Variants in PNN observed in about 807,000 individuals in gnomAD.
The protein encoded by PNN is pinin, desmosome associated protein, also known as pinin.
In PNN, 38 loss-of-function variants were observed where a neutral mutation model predicts 76.6. That is an observed-to-expected ratio of 0.50 (90% CI 0.38 to 0.65). PNN has a LOEUF of 0.65. Ranked by LOEUF, PNN falls within the 30% of genes least tolerant of loss-of-function variation. The pLI, the probability that PNN is intolerant of heterozygous loss-of-function variation, is 0.00. For missense variants in PNN, 873 were observed against 874.1 expected (o/e 1.00, Z 0.02); for synonymous variants, 366 against 283.7 (o/e 1.29, Z -2.91).
rs1186994805 is a variant in PNN, at chr14:39,182,117, TGTC to T, written c.*255_*257del. The T allele has an allele frequency of 2.8e-6, 1 of 357,646 alleles. No individual in the cohort carries two copies. Among genetic ancestry groups the T allele is most frequent in the Non-Finnish European group, 5.0e-6 (1 of 198,596 alleles). The allele number at this position is 357,646 out of a possible 1,614,324, so 22.2% of individuals were successfully genotyped here. ...ATAATAAAAAAAGATTAACATCCCT[TGTC>T]ATCTTTTTTAAATATCCTATACTCT... is the stretch of plus-strand genomic sequence containing the variant. On this transcript the variant is annotated 3_prime_UTR_variant, in exon 9 of 9. Transcript: ENST00000216832.
rs1479071301 is a variant in PNN at position 39,176,141 on chromosome 14, A to G, written c.177A>G (p.Leu59=). 6.3e-7 allele frequency: 1 copy of G among 1,587,722 alleles called. No homozygotes were observed. Among genetic ancestry groups the G allele is most frequent in the Admixed American group, 1.7e-5 (1 of 59,948 alleles). The stretch of plus-strand genomic sequence containing the variant: ...GTGGAGGTAGAGGACGTGGTAGTTT[A>G]TTACTGAGGTAAGATTTCCTTTGGA... ...GPGGGRGRGS[L]LLRRGFSDSG... Residue 59 remains leucine (L), a synonymous_variant, in exon 2 of 9, where the codon TTA becomes TTG. Coordinates refer to ENST00000216832, the MANE Select transcript of PNN (RefSeq NM_002687.4).
rs1242706837 is a variant in PNN, at chr14:39,177,607, T to G, written c.342T>G (p.Ser114=). The G allele has an allele frequency of 1.2e-6, 2 of 1,613,796 alleles. No individual in the cohort carries two copies. Among genetic ancestry groups the G allele is most frequent in the East Asian group, 2.2e-5 (1 of 44,884 alleles). The change falls in exon 5 of 9, where the codon TCT becomes TCG. Residue 114 remains serine, a synonymous_variant. Transcript: ENST00000216832. ...TTTTTCTGCAGCCAGCATTGCAGTC[T>G]TCAGTTGTAGCTACCTCCAAAGAGC... is the stretch of plus-strand genomic sequence containing the variant. ...DDDVKKPALQ[S]SVVATSKERT...
At chr14:39,180,084 CAA>C (rs1024075865) in intron 8 of PNN, among the ~76,000 whole-genome samples, 18 of 152,132 alleles carry the variant, frequency 1.2e-4, no homozygotes, top group Admixed American at 9.8e-4. Context: ...GCTAATAAGA[CAA>C]ATGTGAAAAC....
At position 39,181,831 on chromosome 14, in the gene PNN, C is replaced by A. The variant is rs766133046; in HGVS notation, c.2122C>A (p.Arg708=). 5.0e-6 allele frequency: 8 copies of A among 1,599,974 alleles called. No homozygotes were observed. Among genetic ancestry groups the A allele is most frequent in the South Asian group, 1.1e-5 (1 of 88,126 alleles). ...GKRSSRSERD[R]KSDRKDKRR ...AAGATCTTCAAGAAGTGAAAGAGAC[C>A]GAAAATCAGACAGGAAAGACAAAAG... The change falls in exon 9 of 9, where the codon CGA becomes AGA. Residue 708 remains arginine (R), a synonymous_variant. Coordinates refer to ENST00000216832, the MANE Select transcript of PNN (RefSeq NM_002687.4).
In PNN at chr14:39,181,052, A is replaced by G. The variant is rs1346847031; in HGVS notation, c.1343A>G (p.Asn448Ser). The G allele has an allele frequency of 6.2e-7, 1 of 1,613,296 alleles. No individual in the cohort carries two copies. The highest frequency in any genetic ancestry group is 8.5e-7 in the Non-Finnish European group (1 of 1,179,586). The change falls in exon 9 of 9, where the codon AAT (asparagine) becomes AGT (serine). Residue 448 changes from asparagine (N) to serine (S), a missense_variant. Physicochemically the swap from Asn to Ser is conservative, Grantham distance 46. Coordinates refer to ENST00000216832, the MANE Select transcript of PNN (RefSeq NM_002687.4). ...AAAACCCTTTCTCCTGGGAAAGAGA[A>G]TGTCAGTGCTTTAGACATGGAAAAG... is the stretch of plus-strand genomic sequence containing the variant. ...ECKTLSPGKENVSALDMEKES... is the reference protein window; with the variant it reads ...ECKTLSPGKESVSALDMEKES...
At position 39,182,550 on chromosome 14, in the gene PNN, A is replaced by G. The variant is rs1299460429; in HGVS notation, c.*687A>G. The G allele has an allele frequency of 1.3e-5, 2 of 152,448 alleles. No homozygotes were observed. The highest frequency in any genetic ancestry group is 2.1e-4 in the South Asian group (1 of 4,832). 9.4% of individuals were successfully genotyped at this position (152,448 alleles called of 1,614,324 possible). A position where few individuals can be genotyped will look rare whatever the true frequency, so the allele number is the denominator to read the frequency against. On this transcript the variant is annotated 3_prime_UTR_variant, in exon 9 of 9. Coordinates refer to ENST00000216832, the MANE Select transcript of PNN (RefSeq NM_002687.4). The stretch of plus-strand genomic sequence containing the variant: ...AACTAAACAGTATGATCTGGTTGGC[A>G]TTTTCTTCCTGATGATGGGAGCGTC...
rs2053265393 is a variant in PNN, at chr14:39,181,027, A to G, written c.1318A>G (p.Lys440Glu). 1 of 1,612,466 alleles carries G rather than the reference A, an allele frequency of 6.2e-7. No homozygotes were observed. The highest frequency in any genetic ancestry group is 8.5e-7 in the Non-Finnish European group (1 of 1,179,030). The change falls in exon 9 of 9, where the codon AAA becomes GAA. Residue 440 changes from lysine to glutamate, a missense_variant. By Grantham distance (56) the Lys-to-Glu change is moderately conservative. This residue lies in a region of PNN where 712 missense variants were observed against 693.1 expected (regional missense o/e 1.03). Coordinates refer to ENST00000216832, the MANE Select transcript of PNN (RefSeq NM_002687.4). ...EFEIEPDKEC[K>E]TLSPGKENVS... ...TGAAATTGAGCCAGATAAAGAATGT[A>G]AAACCCTTTCTCCTGGGAAAGAGAA...
chr14:39,181,530 C>T lies in PNN; in HGVS notation c.1821C>T (p.Ser607=). ...SSGSSSSRSS[S]SSSSSTSGSS... ...GAAGTAGTAGCAGTCGCAGTAGTTC[C>T]AGTAGCAGCTCCAGTACAAGTGGCA... is the stretch of plus-strand genomic sequence containing the variant. Residue 607 remains serine (S), a synonymous_variant, in exon 9 of 9, where the codon TCC becomes TCT. Coordinates refer to ENST00000216832, the MANE Select transcript of PNN (RefSeq NM_002687.4). 6.2e-7 allele frequency: 1 copy of T among 1,603,372 alleles called. No individual in the cohort carries two copies. Among genetic ancestry groups the T allele is most frequent in the Non-Finnish European group, 8.5e-7 (1 of 1,174,978 alleles).
chr14:39,178,799 G>A lies in PNN; in HGVS notation c.499-292G>A, dbSNP rs139277990. On this transcript the variant is annotated intron_variant, in intron 6 of 8. Coordinates refer to ENST00000216832, the MANE Select transcript of PNN (RefSeq NM_002687.4). The stretch of plus-strand genomic sequence containing the variant: ...CTTGCTCAGGCTGGAGTGTAGTGGC[G>A]TGATCTCAGCTCACTGCAACCTCCG... Among the ~76,000 whole-genome samples, 345 of 151,718 alleles carry A rather than the reference G, an allele frequency of 2.3e-3. 6 individuals are homozygous for A. The East Asian group carries it at 0.033, about 14-fold the overall frequency.
intron 6 of PNN, among the ~76,000 whole-genome samples, chr14:39,178,232 T>A (rs1313577570): frequency 6.6e-6 from 1 of 152,132 alleles, no homozygotes; most frequent in African/African-American, 2.4e-5. Flanking sequence ...GTATCCTGAA[T>A]TGAAAATGTG....
intron 8 of PNN, 130 bp from the exon 9 acceptor site, chr14:39,180,373 A>C: frequency 1.0e-6 from 1 of 955,666 alleles, no homozygotes; most frequent in Non-Finnish European, 1.5e-6. Flanking sequence ...TAATTGCCAT[A>C]ATCTTTTGTC....
At position 39,176,572 on chromosome 14, in the gene PNN, A is replaced by G. The variant is rs142034455; in HGVS notation, c.231A>G (p.Arg77=). The G allele has an allele frequency of 6.8e-6, 11 of 1,607,452 alleles. No individual in the cohort carries two copies. The highest frequency in any genetic ancestry group is 9.3e-6 in the Non-Finnish European group (11 of 1,177,628). Residue 77 remains arginine (R), a synonymous_variant, in exon 3 of 9, where the codon AGA becomes AGG. Coordinates refer to ENST00000216832, the MANE Select transcript of PNN (RefSeq NM_002687.4). ...GAGGAGGACCCCCAGCCAAACAGAGAGACCTTGAAGGGGCAGTCAGTAGGT... is the reference window on the plus strand; with the variant it reads ...GAGGAGGACCCCCAGCCAAACAGAGGGACCTTGAAGGGGCAGTCAGTAGGT... ...DSGGGPPAKQ[R]DLEGAVSRLG...
At position 39,181,923 on chromosome 14, in the gene PNN, G is replaced by A. The variant is rs2053273610; in HGVS notation, c.*60G>A. The stretch of plus-strand genomic sequence containing the variant: ...AGCAGAAGATTTCTTGATAAAAAAG[G>A]ATTACCTTTCCTTGTAAAGAGGATG... On this transcript the variant is annotated 3_prime_UTR_variant, in exon 9 of 9. Transcript: ENST00000216832. 1 of 1,486,954 alleles carries A rather than the reference G, an allele frequency of 6.7e-7. No homozygotes were observed. Among genetic ancestry groups the A allele is most frequent in the East Asian group, 2.3e-5 (1 of 44,012 alleles). The allele number at this position is 1,486,954 out of a possible 1,614,324, so 92.1% of individuals were successfully genotyped here.
At chr14:39,180,289 T>C (rs555436634) in intron 8 of PNN, among the ~76,000 whole-genome samples, 25 of 152,356 alleles carry the variant, frequency 1.6e-4, no homozygotes, top group African/African-American at 6.0e-4. Flanking sequence ...TGTAGTTCTG[T>C]CTGCCACAAT....
Position 39,181,009 on chromosome 14 carries a change from G to A in PNN, c.1300G>A (p.Glu434Lys), listed in dbSNP as rs1463554338. ...GGAACCAGAAATGGAATTTGAAATT[G>A]AGCCAGATAAAGAATGTAAAACCCT... ...ELEPEMEFEI[E>K]PDKECKTLSP... Residue 434 changes from glutamate (E) to lysine (K), a missense_variant, in exon 9 of 9, where the codon GAG becomes AAG. Glu to Lys is a moderately conservative substitution (Grantham distance 56). Transcript: ENST00000216832. 6.2e-7 allele frequency: 1 copy of A among 1,613,026 alleles called. No homozygotes were observed. The highest frequency in any genetic ancestry group is 8.5e-7 in the Non-Finnish European group (1 of 1,179,302).
rs758980560 is a variant in PNN at position 39,177,581 on chromosome 14, C to G, written c.328-12C>G. On this transcript the variant is annotated splice_polypyrimidine_tract_variant and intron_variant, in intron 4 of 8. Transcript: ENST00000216832. The stretch of plus-strand genomic sequence containing the variant: ...ATGCTAGTTAAATTACTGAGATTTT[C>G]TTTTTCTGCAGCCAGCATTGCAGTC... 1 of 1,612,008 alleles carries G rather than the reference C, an allele frequency of 6.2e-7. No homozygotes were observed. Among genetic ancestry groups the G allele is most frequent in the East Asian group, 2.2e-5 (1 of 44,872 alleles).
intron 8 of PNN, among the ~76,000 whole-genome samples, chr14:39,179,670 G>A (rs991295822): frequency 3.4e-4 from 52 of 152,162 alleles, no homozygotes; most frequent in African/African-American, 1.3e-3. Flanking sequence ...GAGGCAGGCA[G>A]ATCATGAGGT....
At position 39,181,664 on chromosome 14, in the gene PNN, G is replaced by C; in HGVS notation, c.1955G>C (p.Arg652Pro). 7 of 1,614,002 alleles carry C rather than the reference G, an allele frequency of 4.3e-6. No individual in the cohort carries two copies. The highest frequency in any genetic ancestry group is 5.9e-6 in the Non-Finnish European group (7 of 1,179,922). Residue 652 changes from arginine (R) to proline (P), a missense_variant, in exon 9 of 9, where the codon CGG (arginine) becomes CCG (proline). By Grantham distance (103) the Arg-to-Pro change is moderately radical (BLOSUM62 -2). Transcript: ENST00000216832. ...RDRKHRRSVD[R>P]KRRDTSGLER... ...AGAAAGCACAGAAGGAGCGTGGATCGGAAGAGAAGGGATACTTCAGGACTA... is the reference window on the plus strand; with the variant it reads ...AGAAAGCACAGAAGGAGCGTGGATCCGAAGAGAAGGGATACTTCAGGACTA...
In PNN at chr14:39,180,785, A is replaced by G; in HGVS notation, c.1076A>G (p.Lys359Arg). Residue 359 changes from lysine to arginine, a missense_variant, in exon 9 of 9, where the codon AAA (lysine) becomes AGA (arginine). This residue lies in a region of PNN where 712 missense variants were observed against 693.1 expected (regional missense o/e 1.03). Transcript: ENST00000216832. The stretch of plus-strand genomic sequence containing the variant: ...AAAGAACAGGAGGAGGAAGAACAAA[A>G]ACAGGAAATGGAGGTTAAGATGGAG... ...AEKEQEEEEQKQEMEVKMEEE... is the reference protein window; with the variant it reads ...AEKEQEEEEQRQEMEVKMEEE... 2.5e-6 allele frequency: 4 copies of G among 1,610,668 alleles called. No homozygotes were observed. In the Admixed American group the frequency reaches 6.7e-5, roughly 27 times the overall value.
Sources: allele counts gnomAD v4.1 joint callset (sites outside exome capture counted in the v4.1 genomes callset), GRCh38; gene constraint gnomAD v4.1.1; regional missense constraint gnomAD v4.1.1; transcripts MANE v1.5; gene names NCBI Gene and HGNC (gene_info 2026-07-23, HGNC 2026-07-21).